The following PLCB1 variants were observed in gnomAD, a reference collection of about 807,000 sequenced individuals.
PLCB1 encodes the protein 1-phosphatidylinositol 4,5-bisphosphate phosphodiesterase beta-1.
In PLCB1, 46 loss-of-function variants were observed where a neutral mutation model predicts 161.8. That is an observed-to-expected ratio of 0.28 (90% confidence interval 0.22 to 0.36). The LOEUF (loss-of-function observed/expected upper bound fraction) is 0.36. Among genes scored for constraint, PLCB1 ranks in the 10% least tolerant of loss-of-function variants. The pLI is 1.00. For missense variants in PLCB1, 1,016 were observed against 1,472.5 expected (o/e 0.69, Z 5.07); for synonymous variants, 517 against 503.7 (o/e 1.03, Z -0.35).
intron 2 of PLCB1, among the ~76,000 whole-genome samples, chr20:8,191,987 G>T (rs1056624460): frequency 6.6e-6 from 1 of 151,876 alleles, no homozygotes; most frequent in Non-Finnish European, 1.5e-5. Flanking sequence ...TTGGTGTGTT[G>T]GATTTCTGGT....
chr20:8,568,918 A>G (rs1212017625), intron 3 of PLCB1, among the ~76,000 whole-genome samples: 1 of 152,214 alleles, frequency 6.6e-6, no homozygotes. Context: ...GTTAACAAGC[A>G]GGTTACTATT....
intron 7 of PLCB1, among the ~76,000 whole-genome samples, chr20:8,654,625 A>G (rs972941104): frequency 6.6e-6 from 1 of 152,102 alleles, no homozygotes; most frequent in African/African-American, 2.4e-5. Flanking sequence ...CTGTGAACAC[A>G]AAGAAAAAGT....
chr20:8,477,387 C>G (rs1982324431), intron 3 of PLCB1, among the ~76,000 whole-genome samples: 1 of 152,068 alleles, frequency 6.6e-6, no homozygotes, highest in Admixed American at 6.5e-5. Flanking sequence ...GACATAAGAA[C>G]CCATCCAATG....
At chr20:8,738,614 A>T (rs1204635717) in intron 20 of PLCB1, among the ~76,000 whole-genome samples, 3 of 152,250 alleles carry the variant, frequency 2.0e-5, no homozygotes, top group Admixed American at 6.5e-5. Context: ...TCACATGGTG[A>T]TAAAACCACT....
intron 3 of PLCB1, among the ~76,000 whole-genome samples, chr20:8,523,496 C>CTCTCTCTCTATATATATA: frequency 5.2e-4 from 27 of 51,648 alleles, no homozygotes; most frequent in Non-Finnish European, 7.9e-4. Context: ...CTCTCTCTCT[C>CTCTCTCTCTATATATATA]TATATATATA....
intron 25 of PLCB1, among the ~76,000 whole-genome samples, chr20:8,763,824 T>C (rs1982169226): frequency 6.6e-6 from 1 of 151,828 alleles, no homozygotes; most frequent in African/African-American, 2.4e-5. Context: ...TGGCCCAGAA[T>C]GTTTTAAGGT....
At chr20:8,440,666 G>C (rs73092035) in intron 3 of PLCB1, among the ~76,000 whole-genome samples, 21,960 of 152,042 alleles carry the variant, frequency 0.14, 1,911 homozygotes, top group African/African-American at 0.24. Flanking sequence ...GAGGGTTAGG[G>C]AGAGACTTGT....
At chr20:8,233,506 A>G (rs902700636) in intron 2 of PLCB1, among the ~76,000 whole-genome samples, 1 of 152,186 alleles carries the variant, frequency 6.6e-6, no homozygotes, top group African/African-American at 2.4e-5. Flanking sequence ...TTAGAAATTG[A>G]TAACTTGGTT....
intron 3 of PLCB1, among the ~76,000 whole-genome samples, chr20:8,613,203 C>G (rs1987949765): frequency 6.6e-6 from 1 of 152,326 alleles, no homozygotes; most frequent in East Asian, 1.9e-4. Context: ...ATAATTTCTT[C>G]TATGTATAAG....
chr20:8,421,514 A>G (rs1339282038), intron 3 of PLCB1, among the ~76,000 whole-genome samples: 1 of 152,096 alleles, frequency 6.6e-6, no homozygotes, highest in African/African-American at 2.4e-5. Context: ...TTATGATGTA[A>G]TATCAATACA....
At chr20:8,498,066 T>G (rs1447892270) in intron 3 of PLCB1, among the ~76,000 whole-genome samples, 3 of 152,300 alleles carry the variant, frequency 2.0e-5, no homozygotes, top group Middle Eastern at 3.4e-3. Flanking sequence ...CTATAGCCAA[T>G]AGCCAAGAAT....
At position 8,145,276 on chromosome 20, in the gene PLCB1, C is replaced by T. The variant is rs147849107; in HGVS notation, c.100-5018C>T. ...TTTTCCTTCTGTACATGCCTGTGTC[C>T]AGATGTTCTCTTCTTATAAGGACAC... is the stretch of plus-strand genomic sequence containing the variant. On this transcript the variant is annotated intron_variant, in intron 1 of 31. Transcript: ENST00000338037. 2.1e-3 allele frequency among the ~76,000 whole-genome samples: 317 copies of T among 152,218 alleles called. 3 individuals are homozygous for T. The highest frequency in any genetic ancestry group is 7.3e-3 in the African/African-American group (302 of 41,518).
chr20:8,243,892 A>G (rs1356250760), intron 2 of PLCB1, among the ~76,000 whole-genome samples: 6 of 151,944 alleles, frequency 3.9e-5, no homozygotes. Flanking sequence ...TTTCCTCATA[A>G]TTTTTATGCA....
chr20:8,400,266 G>A (rs1978491338), intron 3 of PLCB1, among the ~76,000 whole-genome samples: 1 of 152,050 alleles, frequency 6.6e-6, no homozygotes, highest in Admixed American at 6.5e-5. Context: ...TTTCCTTTAA[G>A]TGACTTGTCA....
chr20:8,374,900 T>C (rs539268293), intron 3 of PLCB1, among the ~76,000 whole-genome samples: 4 of 152,326 alleles, frequency 2.6e-5, no homozygotes, highest in African/African-American at 9.6e-5. Context: ...TTTTTGTTTT[T>C]TACAGCATCT....
chr20:8,820,364 T>C (rs1985282550), intron 31 of PLCB1, among the ~76,000 whole-genome samples: 1 of 151,928 alleles, frequency 6.6e-6, no homozygotes, highest in South Asian at 2.1e-4. Flanking sequence ...ACACAAACGA[T>C]TGGCAACATA....
chr20:8,376,569 T>A (rs1426427321), intron 3 of PLCB1, among the ~76,000 whole-genome samples: 4 of 152,200 alleles, frequency 2.6e-5, no homozygotes, highest in African/African-American at 9.7e-5. Flanking sequence ...CAAACAGCTA[T>A]GCTGTCATAT....
intron 31 of PLCB1, among the ~76,000 whole-genome samples, chr20:8,812,567 C>A (rs1984880284): frequency 6.6e-6 from 1 of 152,126 alleles, no homozygotes; most frequent in Admixed American, 6.6e-5. Flanking sequence ...CCCCAAATGG[C>A]CAGCAGTCTT....
intron 3 of PLCB1, among the ~76,000 whole-genome samples, chr20:8,372,606 T>C (rs1414084331): frequency 6.6e-6 from 1 of 152,220 alleles, no homozygotes; most frequent in African/African-American, 2.4e-5. Context: ...TACATTTATC[T>C]CCTTAGTAAC....
Sources: allele counts gnomAD v4.1 joint callset (sites outside exome capture counted in the v4.1 genomes callset), GRCh38; gene constraint gnomAD v4.1.1; transcripts MANE v1.5; gene names NCBI Gene and HGNC (gene_info 2026-07-23, HGNC 2026-07-21).